Variants in RPN1 observed in about 807,000 individuals in gnomAD.
RPN1 encodes the protein dolichyl-diphosphooligosaccharide--protein glycosyltransferase subunit 1.
A neutral mutation model predicts 55.5 loss-of-function variants in RPN1; 12 were observed. The ratio of observed to expected loss-of-function variants is 0.22; its 90% CI spans 0.14 to 0.35. RPN1 has a LOEUF of 0.35. Ranked by LOEUF, RPN1 falls within the 10% of genes least tolerant of loss-of-function variation. The pLI is 1.00. For synonymous variants in RPN1, 317 were observed against 305.9 expected (o/e 1.04, Z -0.38); for missense variants, 679 against 761.3 (o/e 0.89, Z 1.27).
chr3:128,629,886 T>C lies in RPN1; in HGVS notation c.1036+65A>G, dbSNP rs2069629245. 7.8e-6 allele frequency: 7 copies of C among 899,240 alleles called. No homozygotes were observed. The Admixed American group carries it at 1.3e-4, about 17-fold the overall frequency. 55.7% of individuals were successfully genotyped at this position (899,240 alleles called of 1,614,324 possible). A position where few individuals can be genotyped will look rare whatever the true frequency, so the allele number is the denominator to read the frequency against. ...ACACCCCATCTATAAAGACTGATAA[T>C]TGAAAGAAAAAAATTCACGAAATTA... On this transcript the variant is annotated intron_variant, in intron 5 of 9. Transcript: ENST00000296255.
intron 3 of RPN1, 130 bp from the exon 4 acceptor site, chr3:128,632,287 G>T: frequency 2.8e-6 from 2 of 725,492 alleles, no homozygotes; most frequent in Non-Finnish European, 4.5e-6. Context: ...TCTAACGTAT[G>T]CAACATTTTA....
chr3:128,626,649 C>T, intron 6 of RPN1, 84 bp downstream of exon 6: 4 of 1,171,580 alleles, frequency 3.4e-6, no homozygotes, highest in Non-Finnish European at 3.8e-6. Flanking sequence ...AAGACTGTGC[C>T]CCTAGAACAT....
At chr3:128,628,516 G>A (rs1009037373) in intron 5 of RPN1, among the ~76,000 whole-genome samples, 4 of 152,380 alleles carry the variant, frequency 2.6e-5, no homozygotes, top group African/African-American at 9.6e-5. Context: ...CTGGACTCAA[G>A]TGTTACTCCT....
chr3:128,644,880 C>A (rs548325840), intron 2 of RPN1, 39 bp downstream of exon 2: 4 of 1,135,674 alleles, frequency 3.5e-6, no homozygotes, highest in Non-Finnish European at 5.4e-6. Flanking sequence ...CCTGACATAA[C>A]CTTTAACAAG....
intron 5 of RPN1, among the ~76,000 whole-genome samples, chr3:128,627,790 A>AT (rs1319745384): frequency 6.7e-6 from 1 of 149,190 alleles, no homozygotes; most frequent in Non-Finnish European, 1.5e-5. Context: ...AAAAAAAAAG[A>AT]TTAAGTTATA....
chr3:128,632,640 G>C (rs1480508792), intron 3 of RPN1, among the ~76,000 whole-genome samples: 3 of 152,038 alleles, frequency 2.0e-5, no homozygotes, highest in Non-Finnish European at 2.9e-5. Flanking sequence ...TGTCACCCAG[G>C]CTGGAGTACA....
intron 5 of RPN1, among the ~76,000 whole-genome samples, chr3:128,628,753 G>A (rs560086377): frequency 2.6e-4 from 39 of 152,130 alleles, no homozygotes; most frequent in Admixed American, 2.1e-3. Flanking sequence ...AGGCCAAGGC[G>A]AGCAGATCAC....
intron 7 of RPN1, 75 bp from the exon 8 acceptor site, chr3:128,625,728 C>T (rs2069594054): frequency 1.3e-6 from 2 of 1,599,976 alleles, no homozygotes; most frequent in South Asian, 2.2e-5. Context: ...GGCTGGCCCA[C>T]TCGACCTGCT....
intron 3 of RPN1, among the ~76,000 whole-genome samples, chr3:128,632,694 A>G (rs1176747871): frequency 1.3e-5 from 2 of 151,912 alleles, no homozygotes; most frequent in African/African-American, 4.9e-5. Context: ...TCCTGGGTTC[A>G]AGCGATTCTC....
chr3:128,639,191 G>A (rs555356712), intron 2 of RPN1, among the ~76,000 whole-genome samples: 26 of 152,264 alleles, frequency 1.7e-4, no homozygotes, highest in Non-Finnish European at 2.6e-4. Context: ...GGTGGCTTAC[G>A]CCTGTAATCC....
intron 2 of RPN1, 139 bp downstream of exon 2, chr3:128,644,775 ATAGCT>A (rs2069754228): frequency 1.7e-5 from 11 of 650,256 alleles, no homozygotes; most frequent in Middle Eastern, 5.1e-4. Context: ...CCTGGGCAAC[ATAGCT>A]AGACCTCCTC....
intron 2 of RPN1, among the ~76,000 whole-genome samples, chr3:128,643,652 C>T (rs895817975): frequency 6.6e-6 from 1 of 152,004 alleles, no homozygotes; most frequent in Non-Finnish European, 1.5e-5. Context: ...AAAAATTAGC[C>T]AGGTGTGCTG....
At chr3:128,644,028 A>T (rs549687767) in intron 2 of RPN1, among the ~76,000 whole-genome samples, 1 of 152,320 alleles carries the variant, frequency 6.6e-6, no homozygotes, top group African/African-American at 2.4e-5. Context: ...CCCAGCCTTC[A>T]CAGTAGGCCT....
chr3:128,630,865 G>C (rs1467525416), intron 4 of RPN1, among the ~76,000 whole-genome samples: 1 of 152,118 alleles, frequency 6.6e-6, no homozygotes, highest in Non-Finnish European at 1.5e-5. Flanking sequence ...TGTAATCCCA[G>C]CACTTTGGGA....
At chr3:128,636,809 A>G (rs1576796691) in intron 3 of RPN1, among the ~76,000 whole-genome samples, 1 of 152,238 alleles carries the variant, frequency 6.6e-6, no homozygotes. Flanking sequence ...TTGGCCTCCC[A>G]AAGTGCTAGG....
intron 3 of RPN1, among the ~76,000 whole-genome samples, chr3:128,634,330 A>G (rs756405264): frequency 7.2e-6 from 1 of 137,996 alleles, no homozygotes; most frequent in Non-Finnish European, 1.5e-5. Flanking sequence ...TGTCTTAAGG[A>G]AAAAAAAAAA....
chr3:128,649,710 T>G (rs1436215684), intron 1 of RPN1, among the ~76,000 whole-genome samples: 1 of 152,320 alleles, frequency 6.6e-6, no homozygotes. Context: ...TTTTCTTTGG[T>G]GATCACTGAA....
rs1419800695 is a variant in RPN1, at chr3:128,621,766, AGTTAGGTGACTTG to A, written c.1641+385_1641+397del. On this transcript the variant is annotated intron_variant, in intron 9 of 9. Coordinates refer to ENST00000296255, the MANE Select transcript of RPN1 (RefSeq NM_002950.4). ...ATAGATGAGGAAACTGAGGCACAGA[AGTTAGGTGACTTG>A]GCCAGGTTTACAAACTCTGAATCAG... Among the ~76,000 whole-genome samples, 5 of 152,356 alleles carry A rather than the reference AGTTAGGTGACTTG, an allele frequency of 3.3e-5. No individual in the cohort carries two copies. In the East Asian group the frequency reaches 7.7e-4, roughly 23 times the overall value.
rs1047410571 is a variant in RPN1 at position 128,650,705 on chromosome 3, G to A, written c.96C>T (p.Ile32=). 1 of 1,568,940 alleles carries A rather than the reference G, an allele frequency of 6.4e-7. No individual in the cohort carries two copies. The change falls in exon 1 of 10, where the codon ATC becomes ATT. Residue 32 remains isoleucine (I), a synonymous_variant. Coordinates refer to ENST00000296255, the MANE Select transcript of RPN1 (RefSeq NM_002950.4). ...CCACTGTGCGCTTCACGTCCTCATT[G>A]ATCAGCGGCGGTGCCTCGGAGGAGG... ...GSASSEAPPL[I]NEDVKRTVDL...
Sources: allele counts gnomAD v4.1 joint callset (sites outside exome capture counted in the v4.1 genomes callset), GRCh38; gene constraint gnomAD v4.1.1; transcripts MANE v1.5; gene names NCBI Gene and HGNC (gene_info 2026-07-23, HGNC 2026-07-21).